Variants in STN1 observed in about 807,000 individuals in gnomAD.
The protein encoded by STN1 is CST complex subunit STN1.
Under a neutral mutation model 45.5 loss-of-function variants are expected in STN1, and 29 were observed. The observed-to-expected ratio is 0.64, with a 90% CI of 0.47 to 0.87. STN1 has a LOEUF of 0.87. STN1 is among the 40% of genes least tolerant of loss of function. The pLI is 0.00. For missense variants in STN1, 376 were observed against 441.4 expected (o/e 0.85, Z 1.33); for synonymous variants, 148 against 159.0 (o/e 0.93, Z 0.52).
At chr10:103,885,656 T>C (rs563528885) in intron 9 of STN1, among the ~76,000 whole-genome samples, 1 of 152,152 alleles carries the variant, frequency 6.6e-6, no homozygotes, top group Non-Finnish European at 1.5e-5. Context: ...CTCCCAAGCA[T>C]TGGGATTATG....
intron 7 of STN1, among the ~76,000 whole-genome samples, chr10:103,892,680 G>T (rs1843147613): frequency 6.6e-6 from 1 of 152,040 alleles, no homozygotes; most frequent in South Asian, 2.1e-4. Context: ...AATAATTTGG[G>T]GATTCCAGCA....
chr10:103,909,484 ATATGTGTG>A (rs1430688677), intron 3 of STN1, among the ~76,000 whole-genome samples: 4 of 70,676 alleles, frequency 5.7e-5, no homozygotes, highest in Admixed American at 4.0e-4. Flanking sequence ...ATATGTATAT[ATATGTGTG>A]TGTGTATATG....
chr10:103,889,477 G>A (rs1223440175), intron 8 of STN1, among the ~76,000 whole-genome samples: 1 of 151,716 alleles, frequency 6.6e-6, no homozygotes, highest in African/African-American at 2.4e-5. Flanking sequence ...CAGTGATCAA[G>A]GCCTCCAATC....
At chr10:103,897,408 A>C in intron 7 of STN1, 140 bp downstream of exon 7, 1 of 750,404 alleles carries the variant, frequency 1.3e-6, no homozygotes, top group Non-Finnish European at 2.2e-6. Context: ...CCAGAATAGA[A>C]ATAATGTGTG....
chr10:103,892,257 A>G lies in STN1; in HGVS notation c.754-5T>C, dbSNP rs778350802. On this transcript the variant is annotated splice_polypyrimidine_tract_variant and splice_region_variant and intron_variant, in intron 7 of 9. Coordinates refer to ENST00000224950, the MANE Select transcript of STN1 (RefSeq NM_024928.5). ...GGTGTCCTTCTTAAAATTCACCTGT[A>G]AAGAGAGGAAAAAGAAAAAAGAAAA... 4 of 1,585,802 alleles carry G rather than the reference A, an allele frequency of 2.5e-6. No individual in the cohort carries two copies. The highest frequency in any genetic ancestry group is 1.7e-6 in the Non-Finnish European group (2 of 1,172,710).
intron 2 of STN1, among the ~76,000 whole-genome samples, chr10:103,913,550 T>C (rs956061393): frequency 1.3e-4 from 19 of 151,656 alleles, no homozygotes; most frequent in Non-Finnish European, 1.8e-4. Flanking sequence ...GAAAAGCAAC[T>C]GAGGAGGAAA....
chr10:103,910,529 C>G lies in STN1; in HGVS notation c.227G>C (p.Gly76Ala), dbSNP rs1274054220. The G allele has an allele frequency of 1.3e-6, 2 of 1,592,198 alleles. No individual in the cohort carries two copies. Among genetic ancestry groups the G allele is most frequent in the Non-Finnish European group, 1.7e-6 (2 of 1,160,550 alleles). The change falls in exon 3 of 10, where the codon GGA becomes GCA. Residue 76 changes from glycine (G) to alanine (A), a missense_variant and splice_region_variant. By Grantham distance (60) the Gly-to-Ala change is moderately conservative (BLOSUM62 0). Transcript: ENST00000224950. ...ATTTCAGACACAATTGTTCTTACCTCCATAACTGTAGAAAGCATCTCTTTC... is the reference window on the plus strand; with the variant it reads ...ATTTCAGACACAATTGTTCTTACCTGCATAACTGTAGAAAGCATCTCTTTC... ...VRERDAFYSY[G>A]VDDSTGVINC...
intron 7 of STN1, 38 bp from the exon 8 acceptor site, chr10:103,892,290 G>A (rs777815320): frequency 1.9e-6 from 3 of 1,562,998 alleles, no homozygotes; most frequent in Non-Finnish European, 2.6e-6. Flanking sequence ...AAAGAAATAA[G>A]TCTCACCTTA....
In STN1 at chr10:103,879,765, CG is replaced by C; in HGVS notation, c.*2918del. 6.5e-6 allele frequency: 1 copy of C among 152,960 alleles called. No homozygotes were observed. The highest frequency in any genetic ancestry group is 1.5e-5 in the Non-Finnish European group (1 of 68,604). The allele number at this position is 152,960 out of a possible 1,614,324, so 9.5% of individuals were successfully genotyped here. On this transcript the variant is annotated 3_prime_UTR_variant, in exon 10 of 10. Coordinates refer to ENST00000224950, the MANE Select transcript of STN1 (RefSeq NM_024928.5). ...CGGAAGCAGAGAGGACTGAGGAGGC[CG>C]GGGAGGAGGGTGAAGCAGTTAAGAT...
intron 3 of STN1, among the ~76,000 whole-genome samples, chr10:103,909,301 G>A (rs1279170659): frequency 6.9e-6 from 1 of 145,106 alleles, no homozygotes; most frequent in Non-Finnish European, 1.5e-5. Context: ...GTAAAATAAA[G>A]CAGAGAAGAG....
chr10:103,908,465 C>T (rs1420503761), intron 3 of STN1, among the ~76,000 whole-genome samples: 1 of 152,174 alleles, frequency 6.6e-6, no homozygotes, highest in African/African-American at 2.4e-5. Context: ...GGAAGCACCC[C>T]CAGCACAGGC....
At chr10:103,883,465 G>C (rs2067831) in intron 9 of STN1, among the ~76,000 whole-genome samples, 34,172 of 151,790 alleles carry the variant, frequency 0.23, 4,303 homozygotes, top group Non-Finnish European at 0.27. Context: ...CTCTTTCCTA[G>C]TTGAAATCAA....
intron 8 of STN1, among the ~76,000 whole-genome samples, chr10:103,889,847 C>T (rs1314837743): frequency 6.6e-6 from 1 of 151,992 alleles, no homozygotes; most frequent in African/African-American, 2.4e-5. Context: ...GGATTACAAG[C>T]GTGCACCACC....
intron 2 of STN1, among the ~76,000 whole-genome samples, chr10:103,913,467 T>C (rs535063930): frequency 6.6e-6 from 1 of 151,826 alleles, no homozygotes; most frequent in South Asian, 2.1e-4. Flanking sequence ...AAAAAAAATC[T>C]TAAAAGCATC....
chr10:103,882,645 C>T lies in STN1; in HGVS notation c.*39G>A, dbSNP rs950456020. 6.4e-7 allele frequency: 1 copy of T among 1,567,830 alleles called. No individual in the cohort carries two copies. Among genetic ancestry groups the T allele is most frequent in the Non-Finnish European group, 8.7e-7 (1 of 1,152,888 alleles). On this transcript the variant is annotated 3_prime_UTR_variant, in exon 10 of 10. Coordinates refer to ENST00000224950, the MANE Select transcript of STN1 (RefSeq NM_024928.5). ...GTCAGAGCCTGGGGGTGAATGCCAC[C>T]TTATCTTTGTCCTCCTCAGCTGGTC...
intron 4 of STN1, among the ~76,000 whole-genome samples, chr10:103,900,982 T>C (rs1215400874): frequency 6.6e-6 from 1 of 152,172 alleles, no homozygotes; most frequent in Non-Finnish European, 1.5e-5. Flanking sequence ...CTGCTCATTA[T>C]TAGTCCCATT....
intron 4 of STN1, among the ~76,000 whole-genome samples, chr10:103,904,066 C>T (rs527689710): frequency 8.6e-5 from 13 of 150,318 alleles, no homozygotes; most frequent in African/African-American, 2.9e-4. Context: ...GATTCTGACA[C>T]GTAATGGCAA....
At chr10:103,884,816 T>C (rs1470425026) in intron 9 of STN1, among the ~76,000 whole-genome samples, 3 of 152,186 alleles carry the variant, frequency 2.0e-5, no homozygotes, top group African/African-American at 4.8e-5. Context: ...AACCCTAAGG[T>C]TCAGAGACTG....
At chr10:103,903,095 T>C (rs1190450092) in intron 4 of STN1, among the ~76,000 whole-genome samples, 1 of 152,236 alleles carries the variant, frequency 6.6e-6, no homozygotes, top group African/African-American at 2.4e-5. Context: ...CTGCAAACTA[T>C]AGCCCATGGA....
Sources: gnomAD v4.1 joint callset for allele counts (sites outside exome capture counted in the v4.1 genomes callset) on GRCh38, gnomAD v4.1.1 for gene constraint, MANE v1.5 for transcripts, NCBI Gene and HGNC (gene_info 2026-07-23, HGNC 2026-07-21) for gene names.